RSF1: variants seen among roughly 807,000 people sequenced by gnomAD.
RSF1 encodes the protein remodeling and spacing factor 1.
A neutral mutation model predicts 145.2 loss-of-function variants in RSF1; 13 were observed. The ratio of observed to expected loss-of-function variants is 0.09; its 90% CI spans 0.06 to 0.14. The LOEUF is 0.14. RSF1 is among the 10% of genes least tolerant of loss of function. RSF1 has a pLI of 1.00. For missense variants in RSF1, 1,517 were observed against 1,718.2 expected (o/e 0.88, Z 2.07); for synonymous variants, 577 against 592.6 (o/e 0.97, Z 0.38).
At chr11:77,811,278 T>C (rs1382362209) in intron 1 of RSF1, among the ~76,000 whole-genome samples, 1 of 152,246 alleles carries the variant, frequency 6.6e-6, no homozygotes, top group Non-Finnish European at 1.5e-5. Context: ...GAGCAGAACA[T>C]GGTCCTATAG....
chr11:77,812,094 G>A (rs1358903741), intron 1 of RSF1, among the ~76,000 whole-genome samples: 6 of 152,092 alleles, frequency 3.9e-5, no homozygotes, highest in Non-Finnish European at 8.8e-5. Flanking sequence ...TGGGAGGATC[G>A]CCTGAGTCTG....
chr11:77,841,848 A>G, the RSF1 span, among the ~76,000 whole-genome samples: 1 of 152,154 alleles, frequency 6.6e-6, no homozygotes, highest in Non-Finnish European at 1.5e-5. Context: ...CCTTCTATCC[A>G]TGTTTGCTTG....
chr11:77,742,057 T>A (rs1274768196), intron 3 of RSF1, among the ~76,000 whole-genome samples: 1 of 152,216 alleles, frequency 6.6e-6, no homozygotes, highest in Non-Finnish European at 1.5e-5. Flanking sequence ...TGACGGACAT[T>A]TAGAATGATC....
intron 7 of RSF1, among the ~76,000 whole-genome samples, chr11:77,696,843 A>G (rs1240733472): frequency 1.3e-5 from 2 of 152,212 alleles, no homozygotes; most frequent in African/African-American, 2.4e-5. Context: ...TTCTTCTCAG[A>G]GCTCAAGTCA....
At chr11:77,817,083 G>C (rs779949745) in intron 1 of RSF1, among the ~76,000 whole-genome samples, 44 of 152,256 alleles carry the variant, frequency 2.9e-4, no homozygotes, top group Non-Finnish European at 5.9e-4. Flanking sequence ...TTCAATGATA[G>C]TTTCTAGAGC....
intron 5 of RSF1, among the ~76,000 whole-genome samples, chr11:77,721,911 A>G (rs1335118506): frequency 1.3e-5 from 2 of 152,224 alleles, no homozygotes; most frequent in African/African-American, 4.8e-5. Context: ...AGTTGCTCAC[A>G]TCTGTAATCC....
At chr11:77,864,470 T>C in the RSF1 span, among the ~76,000 whole-genome samples, 3 of 152,032 alleles carry the variant, frequency 2.0e-5, no homozygotes, top group South Asian at 4.1e-4. Flanking sequence ...AAGAACATAG[T>C]GGTTATTCTT....
chr11:77,792,252 C>T (rs1164655656), intron 1 of RSF1, among the ~76,000 whole-genome samples: 2 of 152,122 alleles, frequency 1.3e-5, no homozygotes, highest in Admixed American at 1.3e-4. Flanking sequence ...CCAGAAAGAC[C>T]TGCCCCCATG....
At chr11:77,851,618 T>C in the RSF1 span, 3 of 152,162 alleles carry the variant, frequency 2.0e-5, no homozygotes, top group African/African-American at 7.2e-5. Flanking sequence ...AACTTAGTGC[T>C]GTCTTGGTGA....
intron 1 of RSF1, among the ~76,000 whole-genome samples, chr11:77,806,226 G>GAA (rs777439215): frequency 7.1e-6 from 1 of 140,286 alleles, no homozygotes; most frequent in Non-Finnish European, 1.6e-5. Context: ...GGGGCTCTTA[G>GAA]AAAAAAAAAA....
chr11:77,776,407 T>C (rs1238081892), intron 1 of RSF1, among the ~76,000 whole-genome samples: 1 of 152,206 alleles, frequency 6.6e-6, no homozygotes, highest in East Asian at 1.9e-4. Flanking sequence ...TCTTTACTCC[T>C]TGCTAATAAG....
chr11:77,737,619 GGGGTGTGTGTGTGTGTGTGTGTGTGT>G (rs1186956151), intron 4 of RSF1, among the ~76,000 whole-genome samples: 101 of 102,384 alleles, frequency 9.9e-4, no homozygotes, highest in East Asian at 9.0e-3. Context: ...TGTGTTTTGG[GGGGTGTGTGTGTGTGTGTGTGTGTGT>G]GTGTGTGTGT....
intron 1 of RSF1, among the ~76,000 whole-genome samples, chr11:77,768,123 A>T (rs2135941645): frequency 6.6e-6 from 1 of 151,518 alleles, no homozygotes; most frequent in Admixed American, 6.6e-5. Flanking sequence ...TATTTTATTT[A>T]ATGCCCTTCA....
intron 5 of RSF1, among the ~76,000 whole-genome samples, chr11:77,713,544 C>A (rs1960737419): frequency 6.6e-6 from 1 of 152,204 alleles, no homozygotes; most frequent in African/African-American, 2.4e-5. Flanking sequence ...CACTGAGTTT[C>A]CAACTACTTC....
At chr11:77,809,151 A>G (rs1315794463) in intron 1 of RSF1, among the ~76,000 whole-genome samples, 1 of 152,208 alleles carries the variant, frequency 6.6e-6, no homozygotes, top group Admixed American at 6.5e-5. Flanking sequence ...GACTTCAGGC[A>G]AGTTACTTTA....
intron 5 of RSF1, among the ~76,000 whole-genome samples, chr11:77,711,559 C>T (rs1456711991): frequency 6.6e-6 from 1 of 152,072 alleles, no homozygotes; most frequent in Non-Finnish European, 1.5e-5. Context: ...ATCCCAGCTA[C>T]TCAGGAGACT....
Position 77,700,908 on chromosome 11 carries a change from G to A in RSF1, c.2321C>T (p.Thr774Ile). The A allele has an allele frequency of 6.2e-7, 1 of 1,613,658 alleles. No homozygotes were observed. Among genetic ancestry groups the A allele is most frequent in the Non-Finnish European group, 8.5e-7 (1 of 1,180,000 alleles). ...KEEEKTNVGR[T>I]LRRSPRISRP... ...AGATATTCTTGGAGATCTTCTTAAA[G>A]TACGACCCACATTTGTTTTCTCCTC... Residue 774 changes from threonine (T) to isoleucine (I), a missense_variant, in exon 6 of 16, where the codon ACT becomes ATT. Thr to Ile is a moderately conservative substitution (Grantham distance 89). Around this residue, in one of 12 missense-constraint regions of RSF1, gnomAD observed 579 missense variants for 553.5 expected, o/e 1.05. Transcript: ENST00000308488.
intron 4 of RSF1, among the ~76,000 whole-genome samples, chr11:77,732,616 T>C (rs1961234803): frequency 6.6e-6 from 1 of 152,188 alleles, no homozygotes; most frequent in South Asian, 2.1e-4. Flanking sequence ...TGCAGGTTCA[T>C]TTCCTGTGAG....
At chr11:77,737,619 G>GTGTGT (rs1554991249) in intron 4 of RSF1, among the ~76,000 whole-genome samples, 1 of 102,304 alleles carries the variant, frequency 9.8e-6, no homozygotes, top group African/African-American at 3.7e-5. Flanking sequence ...TGTGTTTTGG[G>GTGTGT]GGGTGTGTGT....
Sources: gnomAD v4.1 joint callset for allele counts (sites outside exome capture counted in the v4.1 genomes callset) on GRCh38, gnomAD v4.1.1 for gene constraint, gnomAD v4.1.1 regional missense constraint, MANE v1.5 for transcripts, NCBI Gene and HGNC (gene_info 2026-07-23, HGNC 2026-07-21) for gene names.